CCDC18: variants seen among roughly 807,000 people sequenced by gnomAD.
CCDC18 encodes coiled-coil domain containing 18, also known as coiled-coil domain-containing protein 18.
A neutral mutation model predicts 196.0 loss-of-function variants in CCDC18; 157 were observed. That is an observed-to-expected ratio of 0.80 (90% CI 0.70 to 0.91). The LOEUF (loss-of-function observed/expected upper bound fraction) is 0.91, where lower values mean the gene tolerates loss of function less well. CCDC18 is among the 40% of genes least tolerant of loss of function. The probability of loss-of-function intolerance (pLI) is 0.00; values close to 1 mark genes in which losing one functional copy is unlikely to be tolerated. For missense variants in CCDC18, 1,465 were observed against 1,611.6 expected (o/e 0.91, Z 1.56); for synonymous variants, 482 against 529.2 (o/e 0.91, Z 1.22).
At position 93,186,334 on chromosome 1, in the gene CCDC18, C is replaced by T. The variant is rs2101512300; in HGVS notation, c.304-11C>T. 6.2e-7 allele frequency: 1 copy of T among 1,603,626 alleles called. No homozygotes were observed. ...AATTGAAAATATATTTGTTCTTTTT[C>T]ATTCTTTCAGATGTTTTCATCTTCT... On this transcript the variant is annotated splice_polypyrimidine_tract_variant and intron_variant, in intron 3 of 28. Transcript: ENST00000690025.
Position 93,270,332 on chromosome 1 carries a change from C to T in CCDC18, c.3886-15C>T, listed in dbSNP as rs1048037567. The T allele has an allele frequency of 2.5e-5, 37 of 1,460,412 alleles. No homozygotes were observed. Among genetic ancestry groups the T allele is most frequent in the Non-Finnish European group, 3.3e-5 (35 of 1,072,570 alleles). The allele number at this position is 1,460,412 out of a possible 1,614,324, so 90.5% of individuals were successfully genotyped here. On this transcript the variant is annotated splice_polypyrimidine_tract_variant and intron_variant, in intron 27 of 28. Coordinates refer to ENST00000690025, the MANE Select transcript of CCDC18 (RefSeq NM_001378204.1). ...AAATGTATTGAGCACCTACTATGTA[C>T]CAATTTATCTGCAGGAATCAGAATT...
chr1:93,266,616 C>G (rs1664555294), intron 27 of CCDC18, among the ~76,000 whole-genome samples: 1 of 152,094 alleles, frequency 6.6e-6, no homozygotes, highest in Non-Finnish European at 1.5e-5. Context: ...GAGGATATCA[C>G]CACTGATCCC....
chr1:93,274,599 CTTT>C (rs1665528287), intron 28 of CCDC18, among the ~76,000 whole-genome samples: 1 of 151,968 alleles, frequency 6.6e-6, no homozygotes, highest in South Asian at 2.1e-4. Flanking sequence ...AATCCCAACA[CTTT>C]GGGAGGCCAA....
chr1:93,232,237 A>G (rs1272907291), intron 17 of CCDC18, among the ~76,000 whole-genome samples, 189 bp from the exon 18 acceptor site: 7 of 152,226 alleles, frequency 4.6e-5, no homozygotes, highest in Non-Finnish European at 8.8e-5. Flanking sequence ...CCTATAAGCA[A>G]GCCCTTCCAG....
chr1:93,208,038 T>A (rs1557627583), intron 9 of CCDC18, among the ~76,000 whole-genome samples: 1 of 45,880 alleles, frequency 2.2e-5, no homozygotes, highest in Non-Finnish European at 1.0e-4. Context: ...GACATTTGGA[T>A]TGTTTCCACT....
intron 4 of CCDC18, among the ~76,000 whole-genome samples, chr1:93,190,079 G>A (rs1404140151): frequency 6.6e-6 from 1 of 151,760 alleles, no homozygotes; most frequent in South Asian, 2.1e-4. Flanking sequence ...CGATTGTTTT[G>A]TATTTCATAA....
chr1:93,249,899 G>A (rs965363222), intron 23 of CCDC18, among the ~76,000 whole-genome samples: 12 of 152,008 alleles, frequency 7.9e-5, no homozygotes, highest in African/African-American at 1.9e-4. Context: ...ACAGTAGCCC[G>A]TAGGTTTTGT....
chr1:93,193,631 G>C lies in CCDC18; in HGVS notation c.585G>C (p.Lys195Asn). ...QDKVLREAEN[K>N]LEQSQKMVIE... ...TATTTTATAGAGAGGCAGAAAATAA[G>C]CTGGAACAGAGCCAGAAAATGGTAA... The change falls in exon 6 of 29, where the codon AAG (lysine) becomes AAC (asparagine). Residue 195 changes from lysine to asparagine, a missense_variant. Transcript: ENST00000690025. 2 of 1,584,796 alleles carry C rather than the reference G, an allele frequency of 1.3e-6. No homozygotes were observed. Among genetic ancestry groups the C allele is most frequent in the Non-Finnish European group, 1.7e-6 (2 of 1,167,954 alleles).
chr1:93,227,429 A>G (rs76272823), intron 17 of CCDC18, among the ~76,000 whole-genome samples: 53 of 151,730 alleles, frequency 3.5e-4, no homozygotes, highest in Admixed American at 2.2e-3. Context: ...TGGCCTCCCA[A>G]AGTGTTGGGA....
At chr1:93,240,126 AATC>A (rs1361400792) in intron 21 of CCDC18, among the ~76,000 whole-genome samples, 1 of 152,182 alleles carries the variant, frequency 6.6e-6, no homozygotes, top group East Asian at 1.9e-4. Flanking sequence ...AGTGGTAAAA[AATC>A]ATTGGGCATG....
chr1:93,189,373 G>A (rs556983878), intron 4 of CCDC18, among the ~76,000 whole-genome samples: 1 of 152,290 alleles, frequency 6.6e-6, no homozygotes, highest in South Asian at 2.1e-4. Context: ...CCATTCATCT[G>A]TGATGAACAC....
intron 4 of CCDC18, chr1:93,190,754 C>T (rs1352109851): frequency 3.1e-5 from 18 of 589,034 alleles, no homozygotes; most frequent in Admixed American, 1.8e-4. Flanking sequence ...AACTGGGTCA[C>T]TTGGCTCTTT....
intron 5 of CCDC18, among the ~76,000 whole-genome samples, 178 bp downstream of exon 5, chr1:93,192,284 C>T (rs1651947030): frequency 6.6e-6 from 1 of 152,162 alleles, no homozygotes; most frequent in Non-Finnish European, 1.5e-5. Context: ...CTGTAGGTTG[C>T]ATGTAGTATA....
At chr1:93,206,963 T>A in intron 8 of CCDC18, 144 bp from the exon 9 acceptor site, 1 of 501,308 alleles carries the variant, frequency 2.0e-6, no homozygotes, top group Non-Finnish European at 3.5e-6. Context: ...GTGCCTGGCA[T>A]GCAGAAAGTA....
chr1:93,254,391 C>G (rs1333574459), intron 23 of CCDC18, 80 bp from the exon 24 acceptor site: 1 of 1,091,702 alleles, frequency 9.2e-7, no homozygotes, highest in East Asian at 2.5e-5. Context: ...GTGTTTAAAG[C>G]TTGACTTACT....
At chr1:93,228,004 A>T (rs1375151135) in intron 17 of CCDC18, among the ~76,000 whole-genome samples, 2 of 148,280 alleles carry the variant, frequency 1.3e-5, no homozygotes, top group Non-Finnish European at 3.0e-5. Flanking sequence ...TTATATTTAC[A>T]TATTAGTCAA....
In CCDC18 at chr1:93,236,405, T is replaced by C; in HGVS notation, c.2603+15T>C. The C allele has an allele frequency of 6.3e-7, 1 of 1,581,660 alleles. No individual in the cohort carries two copies. The highest frequency in any genetic ancestry group is 2.3e-5 in the East Asian group (1 of 42,660). On this transcript the variant is annotated intron_variant, in intron 19 of 28. Coordinates refer to ENST00000690025, the MANE Select transcript of CCDC18 (RefSeq NM_001378204.1). Reference sequence around the variant, plus strand: ...GGCACTGCCAGGTAAAATGTGAATATGTTTTATTTACCTTCCCACTTCAAT... The same window carrying C: ...GGCACTGCCAGGTAAAATGTGAATACGTTTTATTTACCTTCCCACTTCAAT...
At chr1:93,193,769 T>C (rs745989281) in intron 6 of CCDC18, 25 bp downstream of exon 6, 1 of 1,521,140 alleles carries the variant, frequency 6.6e-7, no homozygotes, top group East Asian at 2.6e-5. Context: ...AGCAAATACA[T>C]GTTTTTGAAA....
At chr1:93,237,676 A>C (rs2100803575) in intron 19 of CCDC18, among the ~76,000 whole-genome samples, 1 of 152,264 alleles carries the variant, frequency 6.6e-6, no homozygotes, top group African/African-American at 2.4e-5. Flanking sequence ...ACCTCATGCC[A>C]TCAGAACCCT....
Sources: allele counts gnomAD v4.1 joint callset (sites outside exome capture counted in the v4.1 genomes callset), GRCh38; gene constraint gnomAD v4.1.1; transcripts MANE v1.5; gene names NCBI Gene and HGNC (gene_info 2026-07-23, HGNC 2026-07-21).